TFCP2L1: variants seen among roughly 807,000 people sequenced by gnomAD.
The protein encoded by TFCP2L1 is transcription factor CP2 like 1, also known as transcription factor CP2-like protein 1.
TFCP2L1 carries 12 observed loss-of-function variants against 72.2 expected under a neutral mutation model. The ratio of observed to expected loss-of-function variants is 0.17; its 90% CI spans 0.11 to 0.27. The LOEUF (loss-of-function observed/expected upper bound fraction) is 0.27. Among genes scored for constraint, TFCP2L1 ranks in the 10% least tolerant of loss-of-function variants. The probability of loss-of-function intolerance (pLI) is 1.00; values close to 1 mark genes in which losing one functional copy is unlikely to be tolerated. For missense variants in TFCP2L1, 488 were observed against 624.6 expected (o/e 0.78, Z 2.33); for synonymous variants, 260 against 251.0 (o/e 1.04, Z -0.34).
chr2:121,241,051 G>T (rs1177944359), intron 7 of TFCP2L1, among the ~76,000 whole-genome samples: 1 of 152,186 alleles, frequency 6.6e-6, no homozygotes, highest in Non-Finnish European at 1.5e-5. Context: ...GGCCGGCAGG[G>T]GCCTTACCAC....
At chr2:121,275,253 G>A (rs1343466492) in intron 2 of TFCP2L1, among the ~76,000 whole-genome samples, 8 of 150,826 alleles carry the variant, frequency 5.3e-5, no homozygotes, top group African/African-American at 7.3e-5. Context: ...GCATGGCGGC[G>A]GGCGCCTGTA....
intron 14 of TFCP2L1, among the ~76,000 whole-genome samples, chr2:121,225,250 C>G (rs1415739777): frequency 6.6e-6 from 1 of 152,154 alleles, no homozygotes; most frequent in African/African-American, 2.4e-5. Context: ...ACCCACGCTA[C>G]CTGCAGACTC....
At chr2:121,273,900 C>G (rs1687093291) in intron 2 of TFCP2L1, among the ~76,000 whole-genome samples, 1 of 152,068 alleles carries the variant, frequency 6.6e-6, no homozygotes, top group Non-Finnish European at 1.5e-5. Flanking sequence ...CAAGACCAGC[C>G]TGGCCAACAT....
chr2:121,231,427 C>T (rs368490675), intron 13 of TFCP2L1, among the ~76,000 whole-genome samples: 6 of 152,340 alleles, frequency 3.9e-5, no homozygotes, highest in African/African-American at 9.6e-5. Context: ...GAGGCCTCTG[C>T]TCTCCTCTCC....
intron 4 of TFCP2L1, among the ~76,000 whole-genome samples, chr2:121,248,699 T>C (rs979918465): frequency 2.0e-5 from 3 of 152,298 alleles, no homozygotes; most frequent in Non-Finnish European, 4.4e-5. Context: ...TCTTCAACAC[T>C]TATCAAAATC....
Position 121,218,483 on chromosome 2 carries a change from A to G in TFCP2L1, c.*5858T>C, listed in dbSNP as rs146321895. 1 of 152,636 alleles carries G rather than the reference A, an allele frequency of 6.6e-6. No homozygotes were observed. The highest frequency in any genetic ancestry group is 1.5e-5 in the Non-Finnish European group (1 of 68,300). 9.5% of individuals were successfully genotyped at this position (152,636 alleles called of 1,614,324 possible). ...GGAGCTGAGGATGTTGTTCTCTTTG[A>G]TGAAGGCCTGAAAACTTCCCCTGGC... On this transcript the variant is annotated 3_prime_UTR_variant, in exon 15 of 15. Transcript: ENST00000263707.
At chr2:121,274,031 T>C (rs1452811908) in intron 2 of TFCP2L1, among the ~76,000 whole-genome samples, 2 of 148,870 alleles carry the variant, frequency 1.3e-5, no homozygotes, top group Non-Finnish European at 3.0e-5. Context: ...GAGGCAGAGG[T>C]TGCAGTGAGC....
chr2:121,218,490 C>A lies in TFCP2L1; in HGVS notation c.*5851G>T, dbSNP rs148539766. ...AGGATGTTGTTCTCTTTGATGAAGG[C>A]CTGAAAACTTCCCCTGGCCCCTGCT... is the stretch of plus-strand genomic sequence containing the variant. On this transcript the variant is annotated 3_prime_UTR_variant, in exon 15 of 15. Coordinates refer to ENST00000263707, the MANE Select transcript of TFCP2L1 (RefSeq NM_014553.3). The A allele has an allele frequency of 0.018, 2,719 of 152,612 alleles. 36 individuals carry two copies. The highest frequency in any genetic ancestry group is 0.054 in the Middle Eastern group (16 of 296). 9.5% of individuals were successfully genotyped at this position (152,612 alleles called of 1,614,324 possible).
At position 121,235,214 on chromosome 2, in the gene TFCP2L1, C is replaced by T. The variant is rs1327098881; in HGVS notation, c.1094+7G>A. 3.7e-6 allele frequency: 6 copies of T among 1,614,196 alleles called. 1 individual carries two copies. Among genetic ancestry groups the T allele is most frequent in the Middle Eastern group, 3.3e-4 (2 of 6,062 alleles). On this transcript the variant is annotated splice_region_variant and intron_variant, in intron 11 of 14. Transcript: ENST00000263707. Reference sequence around the variant, plus strand: ...CTGGCTGGCTTCACAGAGAAACCAACACCTACCGGCCTTTGATGGCGTTGA... The same window carrying T: ...CTGGCTGGCTTCACAGAGAAACCAATACCTACCGGCCTTTGATGGCGTTGA...
chr2:121,235,391 T>A, intron 10 of TFCP2L1, 80 bp from the exon 11 acceptor site: 20 of 1,055,514 alleles, frequency 1.9e-5, no homozygotes, highest in East Asian at 2.9e-5. Context: ...GCAGACCCCA[T>A]AGCACTGGGG....
At chr2:121,265,233 G>T (rs1221998682) in intron 2 of TFCP2L1, among the ~76,000 whole-genome samples, 1 of 152,182 alleles carries the variant, frequency 6.6e-6, no homozygotes, top group Non-Finnish European at 1.5e-5. Flanking sequence ...ACCACCACTT[G>T]TGTGATACCA....
intron 2 of TFCP2L1, among the ~76,000 whole-genome samples, chr2:121,276,943 G>GAA (rs34073428): frequency 0.046 from 6,193 of 134,842 alleles, 410 homozygotes; most frequent in African/African-American, 0.15. Context: ...GATCTCTACA[G>GAA]AAAAAAAAAA....
intron 13 of TFCP2L1, among the ~76,000 whole-genome samples, chr2:121,225,823 C>T (rs1240819149): frequency 6.7e-6 from 1 of 150,232 alleles, no homozygotes; most frequent in Non-Finnish European, 1.5e-5. Context: ...GGTGCCCACA[C>T]ACACGGGAAC....
chr2:121,273,382 C>A (rs563117700), intron 2 of TFCP2L1, among the ~76,000 whole-genome samples: 137 of 152,270 alleles, frequency 9.0e-4, no homozygotes, highest in African/African-American at 2.9e-3. Flanking sequence ...GATATGTCTA[C>A]AATGACCTTT....
chr2:121,248,378 C>T, intron 4 of TFCP2L1, 108 bp from the exon 5 acceptor site: 2 of 854,676 alleles, frequency 2.3e-6, no homozygotes, highest in East Asian at 2.9e-5. Flanking sequence ...ATTTGCAATG[C>T]CAAAAGCTCT....
intron 2 of TFCP2L1, among the ~76,000 whole-genome samples, chr2:121,275,720 G>A (rs1044043137): frequency 2.0e-5 from 3 of 151,966 alleles, no homozygotes; most frequent in East Asian, 3.9e-4. Flanking sequence ...ACAGGTGCCC[G>A]CCATCACGCC....
chr2:121,254,342 G>C (rs1686671674), intron 2 of TFCP2L1, among the ~76,000 whole-genome samples: 1 of 152,196 alleles, frequency 6.6e-6, no homozygotes. Context: ...ATTTCTGTAA[G>C]AGACAAAGGA....
intron 2 of TFCP2L1, among the ~76,000 whole-genome samples, chr2:121,256,637 C>T (rs1044898586): frequency 6.6e-6 from 1 of 151,922 alleles, no homozygotes; most frequent in Non-Finnish European, 1.5e-5. Context: ...ATTAGCCGGG[C>T]ATGGTGGTGG....
intron 2 of TFCP2L1, among the ~76,000 whole-genome samples, chr2:121,262,390 G>A (rs1038609685): frequency 1.8e-4 from 27 of 152,202 alleles, no homozygotes; most frequent in Admixed American, 1.6e-3. Flanking sequence ...GCTTGAACCC[G>A]GGAGGCGAGG....
Sources: gnomAD v4.1 joint callset for allele counts (sites outside exome capture counted in the v4.1 genomes callset) on GRCh38, gnomAD v4.1.1 for gene constraint, MANE v1.5 for transcripts, NCBI Gene and HGNC (gene_info 2026-07-23, HGNC 2026-07-21) for gene names.